CDH13: variants seen among roughly 807,000 people sequenced by gnomAD.
CDH13 encodes the protein cadherin-13.
CDH13 carries 24 observed loss-of-function variants against 63.8 expected under a neutral mutation model. That is an observed-to-expected ratio of 0.38 (90% CI 0.27 to 0.53). CDH13 has a LOEUF of 0.53. Ranked by LOEUF, CDH13 falls within the 20% of genes least tolerant of loss-of-function variation. The pLI is 0.85. For synonymous variants in CDH13, 503 were observed against 355.3 expected, an observed-to-expected ratio of 1.42 and a Z score of -4.67; for missense variants, 1,049 against 903.1, an observed-to-expected ratio of 1.16 and a Z score of -2.07.
At chr16:83,122,297 C>G (rs957719553) in intron 3 of CDH13, among the ~76,000 whole-genome samples, 1 of 152,180 alleles carries the variant, frequency 6.6e-6, no homozygotes, top group African/African-American at 2.4e-5. Flanking sequence ...CAGTTTCTAG[C>G]TCAAATTTAA....
intron 5 of CDH13, among the ~76,000 whole-genome samples, chr16:83,327,499 A>T (rs1169199234): frequency 1.3e-5 from 2 of 152,222 alleles, no homozygotes; most frequent in East Asian, 3.8e-4. Flanking sequence ...CATTTGTTAC[A>T]TTTATTGAAA....
chr16:82,999,111 T>A (rs1397788977), intron 2 of CDH13, among the ~76,000 whole-genome samples: 1 of 152,144 alleles, frequency 6.6e-6, no homozygotes, highest in Non-Finnish European at 1.5e-5. Context: ...AAAGCATCCC[T>A]CTTCTTGTTT....
chr16:82,787,583 G>A (rs58593866), intron 1 of CDH13, among the ~76,000 whole-genome samples: 229 of 152,280 alleles, frequency 1.5e-3, no homozygotes, highest in African/African-American at 5.4e-3. Flanking sequence ...CTAGACATAT[G>A]CATCACCTCA....
intron 1 of CDH13, among the ~76,000 whole-genome samples, chr16:82,672,804 C>CAT (rs544734718): frequency 0.053 from 7,011 of 131,978 alleles, 180 homozygotes; most frequent in Middle Eastern, 0.15. Context: ...CACACACATA[C>CAT]ACACACACAC....
At chr16:82,714,834 A>G (rs1421763822) in intron 1 of CDH13, among the ~76,000 whole-genome samples, 2 of 144,026 alleles carry the variant, frequency 1.4e-5, no homozygotes, top group African/African-American at 5.1e-5. Context: ...GCCAGCAATG[A>G]CCAGAAGCTA....
rs191567601 is a variant in CDH13, at chr16:83,577,290, T to A, written c.961-25164T>A. On this transcript the variant is annotated intron_variant, in intron 7 of 13. Transcript: ENST00000567109. ...CTTCATGATTTATGGATGATCACATTGAAGGAAGAAGAGAGGAATAGGAGA... is the reference window on the plus strand; with the variant it reads ...CTTCATGATTTATGGATGATCACATAGAAGGAAGAAGAGAGGAATAGGAGA... Among the ~76,000 whole-genome samples the A allele has an allele frequency of 3.0e-3, 463 of 152,334 alleles. 3 individuals carry two copies. The highest frequency in any genetic ancestry group is 0.011 in the African/African-American group (443 of 41,572).
Position 83,443,699 on chromosome 16 carries a change from C to T in CDH13, c.782-42778C>T, listed in dbSNP as rs555750951. Among the ~76,000 whole-genome samples, 743 of 105,818 alleles carry T rather than the reference C, an allele frequency of 7.0e-3. 12 individuals are homozygous for T. The highest frequency in any genetic ancestry group is 0.029 in the African/African-American group (699 of 24,426). The allele number at this position is 105,818 out of a possible 152,430, so 69.4% of individuals were successfully genotyped here. A position where few individuals can be genotyped will look rare whatever the true frequency, so the allele number is the denominator to read the frequency against. ...CAGCCTGGGCAACAGAGTGCGAAGTCCCTACGAAAAAAAAAAAAAAAAAAA... is the reference window on the plus strand; with the variant it reads ...CAGCCTGGGCAACAGAGTGCGAAGTTCCTACGAAAAAAAAAAAAAAAAAAA... On this transcript the variant is annotated intron_variant, in intron 6 of 13. Transcript: ENST00000567109.
intron 4 of CDH13, among the ~76,000 whole-genome samples, chr16:83,161,347 A>G (rs968857790): frequency 6.7e-6 from 1 of 149,080 alleles, no homozygotes; most frequent in Admixed American, 6.6e-5. Flanking sequence ...TATTAAAGAA[A>G]TCATCAAATA....
chr16:82,793,620 A>G (rs1038344072), intron 1 of CDH13, among the ~76,000 whole-genome samples: 1 of 152,076 alleles, frequency 6.6e-6, no homozygotes, highest in Non-Finnish European at 1.5e-5. Flanking sequence ...CCCTGAAAGT[A>G]TTTTTATGCC....
chr16:83,090,408 T>C (rs1202386091), intron 3 of CDH13, among the ~76,000 whole-genome samples: 1 of 151,950 alleles, frequency 6.6e-6, no homozygotes, highest in Non-Finnish European at 1.5e-5. Context: ...ACCCTGTCTC[T>C]ACTAAAAATA....
chr16:83,533,362 A>G (rs2075121316), intron 7 of CDH13, among the ~76,000 whole-genome samples: 3 of 152,136 alleles, frequency 2.0e-5, no homozygotes, highest in African/African-American at 7.2e-5. Flanking sequence ...AGTCATTTTT[A>G]CAGGGCATTC....
At chr16:83,381,901 C>G (rs2151418307) in intron 6 of CDH13, among the ~76,000 whole-genome samples, 1 of 152,272 alleles carries the variant, frequency 6.6e-6, no homozygotes, top group Non-Finnish European at 1.5e-5. Flanking sequence ...GACTTGTGCA[C>G]CTTGCTGTCA....
chr16:83,179,056 G>A (rs754720965), intron 4 of CDH13, among the ~76,000 whole-genome samples: 4 of 152,088 alleles, frequency 2.6e-5, no homozygotes, highest in Non-Finnish European at 2.9e-5. Context: ...CAACAAATGC[G>A]CCACCCTATT....
intron 2 of CDH13, among the ~76,000 whole-genome samples, chr16:82,921,786 C>T (rs969120464): frequency 1.3e-5 from 2 of 152,022 alleles, no homozygotes; most frequent in East Asian, 3.9e-4. Flanking sequence ...AGTGTTCTCT[C>T]CTCCTATATT....
intron 8 of CDH13, among the ~76,000 whole-genome samples, chr16:83,670,211 G>C (rs1438188624): frequency 6.6e-6 from 1 of 152,186 alleles, no homozygotes; most frequent in Non-Finnish European, 1.5e-5. Context: ...CAGAGGATCT[G>C]GGGTCAAATC....
chr16:83,416,281 G>C (rs2071546101), intron 6 of CDH13, among the ~76,000 whole-genome samples: 1 of 152,206 alleles, frequency 6.6e-6, no homozygotes, highest in African/African-American at 2.4e-5. Context: ...TGTATAGATG[G>C]ATTGGAAGAC....
At chr16:83,355,819 G>T (rs1285457794) in intron 6 of CDH13, among the ~76,000 whole-genome samples, 1 of 152,286 alleles carries the variant, frequency 6.6e-6, no homozygotes, top group East Asian at 1.9e-4. Flanking sequence ...ATCTCTCTAG[G>T]ATTAAGGGAG....
chr16:83,207,527 C>G (rs553310704), intron 4 of CDH13, among the ~76,000 whole-genome samples: 1 of 152,120 alleles, frequency 6.6e-6, no homozygotes. Flanking sequence ...ATCCATTCAT[C>G]TGTTGATGGA....
chr16:83,689,781 G>T (rs1904662058), intron 10 of CDH13, among the ~76,000 whole-genome samples: 1 of 152,146 alleles, frequency 6.6e-6, no homozygotes, highest in Admixed American at 6.5e-5. Flanking sequence ...CTGGGGATTT[G>T]GATTAGGGCT....
Sources: gnomAD v4.1 joint callset for allele counts (sites outside exome capture counted in the v4.1 genomes callset) on GRCh38, gnomAD v4.1.1 for gene constraint, MANE v1.5 for transcripts, NCBI Gene and HGNC (gene_info 2026-07-23, HGNC 2026-07-21) for gene names.